The following TAOK3 variants were observed in gnomAD, a reference collection of about 807,000 sequenced individuals.
TAOK3 encodes TAO kinase 3, also known as serine/threonine-protein kinase TAO3.
Under a neutral mutation model 120.4 loss-of-function variants are expected in TAOK3, and 40 were observed. The observed-to-expected ratio is 0.33, with a 90% CI of 0.26 to 0.43. The LOEUF (loss-of-function observed/expected upper bound fraction) is 0.43. Among genes scored for constraint, TAOK3 ranks in the 20% least tolerant of loss-of-function variants. TAOK3 has a pLI of 1.00. For missense variants in TAOK3, 821 were observed against 1,112.1 expected (o/e 0.74, Z 3.72); for synonymous variants, 355 against 387.5 (o/e 0.92, Z 0.99).
Position 118,294,160 on chromosome 12 carries a change from AT to A in TAOK3, c.-193-27402del, listed in dbSNP as rs746535555. On this transcript the variant is annotated intron_variant, in intron 1 of 20. Coordinates refer to ENST00000392533, the MANE Select transcript of TAOK3 (RefSeq NM_016281.4). Reference sequence around the variant, plus strand: ...ATTTTATTGAGGTATAATTTACATAATAAACTATATCCATATAAAATGTACA... The same window carrying A: ...ATTTTATTGAGGTATAATTTACATAAAAACTATATCCATATAAAATGTACA... Among the ~76,000 whole-genome samples, 17 of 152,294 alleles carry A rather than the reference AT, an allele frequency of 1.1e-4. No individual in the cohort carries two copies. In the South Asian group the frequency reaches 2.7e-3, roughly 24 times the overall value.
intron 13 of TAOK3, chr12:118,190,450 T>C (rs2037370788): frequency 6.5e-6 from 1 of 153,530 alleles, no homozygotes; most frequent in African/African-American, 2.4e-5. Flanking sequence ...TGTAGGCTTG[T>C]GCTGAACTGC....
At chr12:118,364,831 G>A (rs563234382) in intron 1 of TAOK3, among the ~76,000 whole-genome samples, 2 of 152,282 alleles carry the variant, frequency 1.3e-5, no homozygotes, top group South Asian at 2.1e-4. Context: ...CTTGAATCTG[G>A]GAGGCGGATG....
Position 118,181,534 on chromosome 12 carries a change from C to G in TAOK3, c.1403G>C (p.Arg468Pro). The G allele has an allele frequency of 6.2e-7, 1 of 1,614,194 alleles. No homozygotes were observed. The highest frequency in any genetic ancestry group is 8.5e-7 in the Non-Finnish European group (1 of 1,180,048). ...REQMSGYKRM[R>P]RQHQKQLIAL... ...GATCAGCTGCTTCTGGTGCTGGCGC[C>G]GCATCCGCTTATAACCTGACATCTG... Residue 468 changes from arginine (R) to proline (P), a missense_variant, in exon 15 of 21, where the codon CGG becomes CCG. Arg to Pro is a moderately radical substitution (Grantham distance 103). Transcript: ENST00000392533.
At chr12:118,244,126 A>G (rs1013352252) in intron 4 of TAOK3, among the ~76,000 whole-genome samples, 4 of 152,204 alleles carry the variant, frequency 2.6e-5, no homozygotes, top group African/African-American at 9.6e-5. Context: ...ACAGTGTTGC[A>G]GTCACAGCTC....
intron 11 of TAOK3, among the ~76,000 whole-genome samples, chr12:118,211,607 A>G (rs1190152671): frequency 9.9e-6 from 1 of 100,888 alleles, no homozygotes; most frequent in East Asian, 2.9e-4. Context: ...ATTTATTCAT[A>G]TTTTCCTTTT....
At chr12:118,294,491 C>A (rs2042601566) in intron 1 of TAOK3, among the ~76,000 whole-genome samples, 1 of 152,056 alleles carries the variant, frequency 6.6e-6, no homozygotes, top group Non-Finnish European at 1.5e-5. Flanking sequence ...TCAGGCGACC[C>A]TCCAGCCTCA....
chr12:118,360,873 C>T (rs981092954), intron 1 of TAOK3, among the ~76,000 whole-genome samples: 6 of 152,136 alleles, frequency 3.9e-5, no homozygotes, highest in Non-Finnish European at 8.8e-5. Context: ...TTTCCAGAAA[C>T]TGTCACACAA....
intron 1 of TAOK3, among the ~76,000 whole-genome samples, chr12:118,283,323 A>G (rs901112234): frequency 6.6e-6 from 1 of 152,248 alleles, no homozygotes; most frequent in African/African-American, 2.4e-5. Flanking sequence ...TGTTGCAAGT[A>G]CTATGAAAGT....
chr12:118,282,617 G>T (rs965050783), intron 1 of TAOK3, among the ~76,000 whole-genome samples: 1 of 152,162 alleles, frequency 6.6e-6, no homozygotes, highest in African/African-American at 2.4e-5. Context: ...AGAATGAATT[G>T]GGAAGCTCAA....
chr12:118,241,542 C>T (rs1159355955), intron 5 of TAOK3, among the ~76,000 whole-genome samples: 1 of 152,084 alleles, frequency 6.6e-6, no homozygotes, highest in Non-Finnish European at 1.5e-5. Flanking sequence ...GCATTTTTGT[C>T]ACAAATATTT....
chr12:118,229,407 T>C (rs575682759), intron 9 of TAOK3, among the ~76,000 whole-genome samples: 1 of 152,230 alleles, frequency 6.6e-6, no homozygotes, highest in South Asian at 2.1e-4. Flanking sequence ...GCCAGCTTTT[T>C]CTTTTTCAGA....
chr12:118,224,883 A>G (rs2039425867), intron 9 of TAOK3, among the ~76,000 whole-genome samples: 1 of 152,166 alleles, frequency 6.6e-6, no homozygotes. Flanking sequence ...ACAAGCTATT[A>G]TGGAAGAGAG....
chr12:118,275,050 A>G (rs370033174), intron 1 of TAOK3, among the ~76,000 whole-genome samples: 15 of 152,228 alleles, frequency 9.9e-5, no homozygotes, highest in African/African-American at 3.6e-4. Context: ...TGATGTGTCT[A>G]CATAAATCCC....
chr12:118,347,724 T>A lies in TAOK3; in HGVS notation c.-194+24924A>T, dbSNP rs563009700. Among the ~76,000 whole-genome samples, 6 of 152,298 alleles carry A rather than the reference T, an allele frequency of 3.9e-5. No individual in the cohort carries two copies. In the East Asian group the frequency reaches 7.7e-4, roughly 20 times the overall value. ...TCCCCTCTCTACCCTGCACTTTCTCTCATTTATCTGATTCACTCCTGTTCT... is the reference window on the plus strand; with the variant it reads ...TCCCCTCTCTACCCTGCACTTTCTCACATTTATCTGATTCACTCCTGTTCT... On this transcript the variant is annotated intron_variant, in intron 1 of 20. Transcript: ENST00000392533.
chr12:118,283,355 ACTCT>A (rs1041599218), intron 1 of TAOK3, among the ~76,000 whole-genome samples: 1 of 152,066 alleles, frequency 6.6e-6, no homozygotes, highest in African/African-American at 2.4e-5. Flanking sequence ...AGCATTTTTC[ACTCT>A]CTAAGAAGCA....
chr12:118,286,259 T>C (rs2042263135), intron 1 of TAOK3, among the ~76,000 whole-genome samples: 1 of 152,150 alleles, frequency 6.6e-6, no homozygotes, highest in African/African-American at 2.4e-5. Context: ...ACTTAGTACT[T>C]GTGCCATTAG....
At chr12:118,353,487 G>A (rs373480921) in intron 1 of TAOK3, among the ~76,000 whole-genome samples, 5 of 152,036 alleles carry the variant, frequency 3.3e-5, no homozygotes, top group African/African-American at 9.6e-5. Context: ...AAAGGGTGTC[G>A]AAAGTCAAGC....
intron 11 of TAOK3, among the ~76,000 whole-genome samples, chr12:118,206,771 T>G (rs1379088482): frequency 6.6e-6 from 1 of 151,868 alleles, no homozygotes; most frequent in Non-Finnish European, 1.5e-5. Flanking sequence ...TAATTTTTTG[T>G]ATTTTAATAG....
Position 118,274,888 on chromosome 12 carries a change from C to T in TAOK3, c.-193-8129G>A, listed in dbSNP as rs1293039061. 3.3e-5 allele frequency among the ~76,000 whole-genome samples: 5 copies of T among 151,760 alleles called. No individual in the cohort carries two copies. The East Asian group carries it at 5.8e-4, about 18-fold the overall frequency. On this transcript the variant is annotated intron_variant, in intron 1 of 20. Coordinates refer to ENST00000392533, the MANE Select transcript of TAOK3 (RefSeq NM_016281.4). ...CCTCCCAAAGTGCTGGGATTACAGG[C>T]GTAAGCCACCACGCCCAGCAACACT... is the stretch of plus-strand genomic sequence containing the variant.
Sources: gnomAD v4.1 joint callset for allele counts (sites outside exome capture counted in the v4.1 genomes callset) on GRCh38, gnomAD v4.1.1 for gene constraint, MANE v1.5 for transcripts, NCBI Gene and HGNC (gene_info 2026-07-23, HGNC 2026-07-21) for gene names.